Variants in JARID2 observed in about 807,000 individuals in gnomAD.
The protein encoded by JARID2 is jumonji and AT-rich interaction domain containing 2.
A neutral mutation model predicts 125.6 loss-of-function variants in JARID2; 21 were observed. The ratio of observed to expected loss-of-function variants is 0.17; its 90% confidence interval spans 0.12 to 0.24. The LOEUF (loss-of-function observed/expected upper bound fraction) is 0.24. JARID2 is among the 10% of genes least tolerant of loss of function. JARID2 has a pLI of 1.00. For missense variants in JARID2, 1,303 were observed against 1,639.6 expected, an observed-to-expected ratio of 0.79 and a Z score of 3.55; for synonymous variants, 736 against 661.6, an observed-to-expected ratio of 1.11 and a Z score of -1.73.
At chr6:15,312,212 G>T (rs1351238085) in intron 1 of JARID2, among the ~76,000 whole-genome samples, 2 of 152,002 alleles carry the variant, frequency 1.3e-5, no homozygotes, top group African/African-American at 2.4e-5. Context: ...TTGCCACCAC[G>T]CCTGGCTAAT....
chr6:15,314,270 C>T (rs148408203), intron 1 of JARID2, among the ~76,000 whole-genome samples: 5,215 of 152,214 alleles, frequency 0.034, 127 homozygotes, highest in Middle Eastern at 0.1. Flanking sequence ...GCCACTACTT[C>T]AAATACTTTG....
At chr6:15,457,530 T>C (rs971277728) in intron 4 of JARID2, among the ~76,000 whole-genome samples, 4 of 151,972 alleles carry the variant, frequency 2.6e-5, no homozygotes, top group Non-Finnish European at 5.9e-5. Context: ...GGGAAGAAAG[T>C]CTGGCTGCAG....
At chr6:15,519,982 C>T in intron 17 of JARID2, 87 bp from the exon 18 acceptor site, 1 of 1,129,646 alleles carries the variant, frequency 8.9e-7, no homozygotes, top group Admixed American at 2.5e-5. Context: ...CTGCCCTCTG[C>T]CCTAAACTTG....
intron 1 of JARID2, among the ~76,000 whole-genome samples, chr6:15,257,938 TCAGAA>T (rs1457089344): frequency 6.6e-6 from 1 of 152,210 alleles, no homozygotes; most frequent in Non-Finnish European, 1.5e-5. Flanking sequence ...GTGTTATTAG[TCAGAA>T]CAGCTCCAGA....
At chr6:15,514,680 C>T (rs143557260) in intron 16 of JARID2, among the ~76,000 whole-genome samples, 8 of 152,284 alleles carry the variant, frequency 5.3e-5, no homozygotes, top group East Asian at 1.9e-4. Context: ...GCTAAAAACT[C>T]GGTGTGTCCT....
At chr6:15,490,124 C>G (rs2127722539) in intron 6 of JARID2, among the ~76,000 whole-genome samples, 1 of 152,322 alleles carries the variant, frequency 6.6e-6, no homozygotes, top group African/African-American at 2.4e-5. Context: ...AAAATAAGGT[C>G]AGTAAAAGCA....
intron 3 of JARID2, among the ~76,000 whole-genome samples, chr6:15,444,335 G>A (rs953121170): frequency 6.6e-6 from 1 of 152,192 alleles, no homozygotes. Flanking sequence ...ATTGGTCTCT[G>A]CTAGCCTCTG....
chr6:15,390,598 C>T (rs1177143371), intron 2 of JARID2, among the ~76,000 whole-genome samples: 4 of 152,182 alleles, frequency 2.6e-5, no homozygotes, highest in African/African-American at 7.2e-5. Context: ...ATTGCCTGTC[C>T]TTTTGTGGGG....
chr6:15,267,116 A>G (rs921128722), intron 1 of JARID2, among the ~76,000 whole-genome samples: 8 of 152,168 alleles, frequency 5.3e-5, no homozygotes, highest in Non-Finnish European at 1.0e-4. Flanking sequence ...CTGGATGGCA[A>G]ACAGTTAAGT....
intron 1 of JARID2, among the ~76,000 whole-genome samples, chr6:15,353,934 C>T (rs1238044868): frequency 6.6e-6 from 1 of 152,120 alleles, no homozygotes; most frequent in African/African-American, 2.4e-5. Flanking sequence ...AAAAATCTGC[C>T]ACTTATGTTC....
chr6:15,303,826 T>C (rs1170295489), intron 1 of JARID2, among the ~76,000 whole-genome samples: 6 of 152,198 alleles, frequency 3.9e-5, no homozygotes. Flanking sequence ...GTATTATTAG[T>C]GTAAGGTGCC....
At chr6:15,425,548 G>A (rs1009771472) in intron 3 of JARID2, among the ~76,000 whole-genome samples, 5 of 152,168 alleles carry the variant, frequency 3.3e-5, no homozygotes, top group Admixed American at 2.6e-4. Context: ...TATCGTGGGA[G>A]TGGATTCATA....
In JARID2 at chr6:15,501,336, A is replaced by G. The variant is rs1770723864; in HGVS notation, c.2375A>G (p.Gln792Arg). The G allele has an allele frequency of 1.2e-6, 2 of 1,603,656 alleles. No individual in the cohort carries two copies. Among genetic ancestry groups the G allele is most frequent in the Admixed American group, 1.7e-5 (1 of 58,568 alleles). The stretch of plus-strand genomic sequence containing the variant: ...ACTGGCCGGCGGCGACTCTTCGCTC[A>G]GGAAAAAGAAGTGGTCAAGGAAGAG... The part of the protein sequence containing the change: ...LKTGRRRLFA[Q>R]EKEVVKEEEE... Residue 792 changes from glutamine (Q) to arginine (R), a missense_variant, in exon 8 of 18, where the codon CAG (glutamine) becomes CGG (arginine). By Grantham distance (43) the Gln-to-Arg change is conservative. Coordinates refer to ENST00000341776, the MANE Select transcript of JARID2 (RefSeq NM_004973.4).
chr6:15,439,231 G>C (rs114077605), intron 3 of JARID2, among the ~76,000 whole-genome samples: 111 of 152,214 alleles, frequency 7.3e-4, no homozygotes, highest in African/African-American at 2.4e-3. Context: ...CATTTAAGAA[G>C]TTTTTAGCTG....
At chr6:15,319,169 G>A (rs1762272433) in intron 1 of JARID2, among the ~76,000 whole-genome samples, 1 of 152,200 alleles carries the variant, frequency 6.6e-6, no homozygotes, top group Non-Finnish European at 1.5e-5. Flanking sequence ...TATATAACAT[G>A]CTTGGAATGC....
chr6:15,388,361 C>CCCTT (rs1764868222), intron 2 of JARID2, among the ~76,000 whole-genome samples: 1 of 152,038 alleles, frequency 6.6e-6, no homozygotes, highest in Non-Finnish European at 1.5e-5. Context: ...AATTACCCTA[C>CCCTT]AGTTCATAAA....
At chr6:15,260,791 T>C (rs1759843646) in intron 1 of JARID2, among the ~76,000 whole-genome samples, 1 of 152,194 alleles carries the variant, frequency 6.6e-6, no homozygotes, top group Non-Finnish European at 1.5e-5. Flanking sequence ...GAGGATAGAT[T>C]TCACTTGGAA....
At chr6:15,437,916 C>T (rs1312852543) in intron 3 of JARID2, among the ~76,000 whole-genome samples, 1 of 152,008 alleles carries the variant, frequency 6.6e-6, no homozygotes, top group South Asian at 2.1e-4. Context: ...TTAAGAAGAA[C>T]AAGTGAATTT....
chr6:15,468,996 T>TGG (rs1299140223), intron 5 of JARID2, among the ~76,000 whole-genome samples: 1 of 151,754 alleles, frequency 6.6e-6, no homozygotes, highest in African/African-American at 2.4e-5. Flanking sequence ...CAGATCTACA[T>TGG]GGGGATGGTC....
Sources: allele counts gnomAD v4.1 joint callset (sites outside exome capture counted in the v4.1 genomes callset), GRCh38; gene constraint gnomAD v4.1.1; transcripts MANE v1.5; gene names NCBI Gene and HGNC (gene_info 2026-07-23, HGNC 2026-07-21).